ZNF385C: variants seen among roughly 807,000 people sequenced by gnomAD.
ZNF385C encodes the protein zinc finger protein 385C.
ZNF385C carries 28 observed loss-of-function variants against 35.4 expected under a neutral mutation model. The observed-to-expected ratio is 0.79, with a 90% CI of 0.59 to 1.08. The LOEUF is 1.08. ZNF385C is among the 50% of genes least tolerant of loss of function. The pLI is 0.00. For missense variants in ZNF385C, 605 were observed against 595.6 expected (o/e 1.02, Z -0.16); for synonymous variants, 248 against 248.2 (o/e 1.00, Z 0.01).
chr17:42,063,794 A>C (rs970890668), intron 1 of ZNF385C, among the ~76,000 whole-genome samples: 2 of 152,318 alleles, frequency 1.3e-5, no homozygotes, highest in Middle Eastern at 3.4e-3. Context: ...ATCCTGTGAC[A>C]GCCAGGCATG....
chr17:42,039,509 T>A, intron 2 of ZNF385C: 20 of 379,434 alleles, frequency 5.3e-5, no homozygotes, highest in Non-Finnish European at 7.1e-5. Context: ...CAGGCCCCTC[T>A]TGAGCCAGTC....
intron 2 of ZNF385C, among the ~76,000 whole-genome samples, chr17:42,055,619 G>A (rs1362712180): frequency 2.0e-5 from 3 of 152,282 alleles, no homozygotes; most frequent in East Asian, 1.9e-4. Flanking sequence ...GTGGGAGGCC[G>A]TGACTGGGGA....
At chr17:42,066,940 G>C (rs1323014237) in intron 1 of ZNF385C, among the ~76,000 whole-genome samples, 1 of 152,102 alleles carries the variant, frequency 6.6e-6, no homozygotes, top group African/African-American at 2.4e-5. Flanking sequence ...GCGGTGGTGG[G>C]TGCCTGTAAT....
chr17:42,033,709 C>T (rs559636810), intron 4 of ZNF385C, among the ~76,000 whole-genome samples: 10 of 152,246 alleles, frequency 6.6e-5, no homozygotes, highest in Admixed American at 2.6e-4. Context: ...GCCAAGATTG[C>T]GCCACTGCAC....
At chr17:42,041,002 T>C in intron 2 of ZNF385C, 1 of 1,232,228 alleles carries the variant, frequency 8.1e-7, no homozygotes, top group Non-Finnish European at 1.0e-6. Flanking sequence ...GGCCTCGCCC[T>C]CCTGTAGCTC....
chr17:42,070,162 A>T (rs903146461), intron 1 of ZNF385C, among the ~76,000 whole-genome samples: 9 of 151,500 alleles, frequency 5.9e-5, no homozygotes, highest in African/African-American at 2.2e-4. Context: ...GGCTAACACG[A>T]TGAAACCCCA....
Position 42,050,306 on chromosome 17 carries a change from C to G in ZNF385C, c.251-12421G>C, listed in dbSNP as rs1168084042. 6.6e-6 allele frequency among the ~76,000 whole-genome samples: 1 copy of G among 152,246 alleles called. No homozygotes were observed. ...GGACCCCACTAAGAGAAGTCCAGCA[C>G]TCAGCAGACAGGGCCGGGCGCCCCC... On this transcript the variant is annotated intron_variant, in intron 2 of 8. Transcript: ENST00000692273. The surrounding 1 kb of genome is among the most constrained non-coding windows in gnomAD (Gnocchi z 5.6).
At chr17:42,049,785 G>A (rs1837178125) in intron 2 of ZNF385C, among the ~76,000 whole-genome samples, 1 of 152,210 alleles carries the variant, frequency 6.6e-6, no homozygotes, top group African/African-American at 2.4e-5. Context: ...TTCTAAAACG[G>A]CTCTGTCCAA....
chr17:42,069,007 G>A (rs571886320), intron 1 of ZNF385C, among the ~76,000 whole-genome samples: 1 of 152,328 alleles, frequency 6.6e-6, no homozygotes, highest in South Asian at 2.1e-4. Flanking sequence ...GAAGGACAAG[G>A]GGAAAGCAGA....
intron 2 of ZNF385C, chr17:42,038,481 G>A (rs541531358): frequency 3.5e-5 from 6 of 170,148 alleles, no homozygotes; most frequent in South Asian, 1.7e-4. Flanking sequence ...GTTGGGCCTC[G>A]ACGCCAGTCC....
chr17:42,052,471 A>G (rs1304615068), intron 2 of ZNF385C, among the ~76,000 whole-genome samples: 4 of 152,108 alleles, frequency 2.6e-5, no homozygotes, highest in Non-Finnish European at 5.9e-5. Flanking sequence ...CTATCTACAC[A>G]CGAGATGTGT....
At chr17:42,027,276 C>G in intron 8 of ZNF385C, 143 bp from the exon 9 acceptor site, 2 of 752,514 alleles carry the variant, frequency 2.7e-6, no homozygotes, top group Non-Finnish European at 4.5e-6. Flanking sequence ...TTCCCACCCC[C>G]AAACATTCAT....
rs1188751238 is a variant in ZNF385C at position 42,039,822 on chromosome 17, G to GC, written c.251-1938dup. On this transcript the variant is annotated intron_variant, in intron 2 of 8. Transcript: ENST00000692273. ...CATCCACTGCGATCTTCACCATGTG[G>GC]CCCCCCCGGCCTTCCCCGGCCCCAC... 5.3e-4 allele frequency: 655 copies of GC among 1,231,162 alleles called. 1 individual carries two copies. The highest frequency in any genetic ancestry group is 6.2e-4 in the Non-Finnish European group (608 of 987,574). 76.3% of individuals were successfully genotyped at this position (1,231,162 alleles called of 1,614,324 possible). A position where few individuals can be genotyped will look rare whatever the true frequency, so the allele number is the denominator to read the frequency against.
intron 2 of ZNF385C, among the ~76,000 whole-genome samples, chr17:42,056,633 A>G (rs1254716851): frequency 1.3e-5 from 2 of 152,076 alleles, no homozygotes; most frequent in Non-Finnish European, 2.9e-5. Flanking sequence ...CTCATCTTGA[A>G]TTGTAGCTCC....
chr17:42,076,632 A>C (rs1465817908), intron 1 of ZNF385C, among the ~76,000 whole-genome samples: 1 of 151,950 alleles, frequency 6.6e-6, no homozygotes, highest in Non-Finnish European at 1.5e-5. Context: ...AAACAAACAC[A>C]CAAAAAAAAC....
intron 2 of ZNF385C, chr17:42,040,676 G>A: frequency 8.1e-7 from 1 of 1,232,272 alleles, no homozygotes; most frequent in Admixed American, 4.2e-5. Context: ...GAGGCCCAGG[G>A]CACTGGCCGA....
intron 1 of ZNF385C, chr17:42,065,330 A>T (rs2053531972): frequency 6.6e-6 from 1 of 152,316 alleles, no homozygotes; most frequent in South Asian, 2.1e-4. Flanking sequence ...GAAGCCACTG[A>T]GTCTGTGGTA....
At chr17:42,040,968 G>A (rs773243797) in intron 2 of ZNF385C, 14 of 1,232,158 alleles carry the variant, frequency 1.1e-5, no homozygotes, top group Non-Finnish European at 1.3e-5. Flanking sequence ...AAGCCTGCAG[G>A]ATGTCCAAGA....
At chr17:42,042,645 T>A (rs1386771778) in intron 2 of ZNF385C, among the ~76,000 whole-genome samples, 1 of 152,216 alleles carries the variant, frequency 6.6e-6, no homozygotes, top group Non-Finnish European at 1.5e-5. Context: ...GTCTGGCCTC[T>A]TCACTGTTGT....
Sources: allele counts gnomAD v4.1 joint callset (sites outside exome capture counted in the v4.1 genomes callset), GRCh38; gene constraint gnomAD v4.1.1; non-coding constraint Gnocchi (gnomAD v3.1); transcripts MANE v1.5; gene names NCBI Gene and HGNC (gene_info 2026-07-23, HGNC 2026-07-21).